Variants in RHBDL3 observed in about 807,000 individuals in gnomAD.
RHBDL3 encodes rhomboid like 3, also known as rhomboid-related protein 3.
A neutral mutation model predicts 48.2 loss-of-function variants in RHBDL3; 28 were observed. The observed-to-expected ratio is 0.58, with a 90% CI of 0.43 to 0.80. The LOEUF (loss-of-function observed/expected upper bound fraction) is 0.80, where lower values mean the gene tolerates loss of function less well. Among genes scored for constraint, RHBDL3 ranks in the 30% least tolerant of loss-of-function variants. RHBDL3 has a pLI of 0.00. For missense variants in RHBDL3, 464 were observed against 542.7 expected, an observed-to-expected ratio of 0.85 and a Z score of 1.44; for synonymous variants, 208 against 232.3, an observed-to-expected ratio of 0.90 and a Z score of 0.95.
intron 2 of RHBDL3, among the ~76,000 whole-genome samples, chr17:32,276,253 CA>C (rs967144609): frequency 6.7e-6 from 1 of 148,276 alleles, no homozygotes; most frequent in African/African-American, 2.5e-5. Context: ...AACAAAAAAA[CA>C]AAAAAAATTG....
intron 7 of RHBDL3, among the ~76,000 whole-genome samples, chr17:32,311,149 G>A (rs911637594): frequency 7.2e-5 from 11 of 152,320 alleles, no homozygotes; most frequent in East Asian, 3.9e-4. Flanking sequence ...CAACTTGTTC[G>A]CTGTGGGTGA....
chr17:32,283,731 G>A (rs1378705426), intron 2 of RHBDL3, among the ~76,000 whole-genome samples: 1 of 152,188 alleles, frequency 6.6e-6, no homozygotes, highest in East Asian at 1.9e-4. Context: ...TTGATTGAGT[G>A]CTGATAATGC....
rs556033267 is a variant in RHBDL3 at position 32,300,563 on chromosome 17, A to G, written c.781+2359A>G. On this transcript the variant is annotated intron_variant, in intron 6 of 8. Transcript: ENST00000269051. ...AGCAAGAACCTGTCTCAAAAAAGAA[A>G]AAAAGAAAAAAACCAAAGGAGACCT... Among the ~76,000 whole-genome samples the G allele has an allele frequency of 1.8e-4, 28 of 152,284 alleles. No individual in the cohort carries two copies. The South Asian group carries it at 5.2e-3, about 28-fold the overall frequency.
chr17:32,323,810 A>G lies in RHBDL3; in HGVS notation c.*2581A>G, dbSNP rs1228099507. 6.6e-6 allele frequency: 1 copy of G among 152,598 alleles called. No homozygotes were observed. Among genetic ancestry groups the G allele is most frequent in the Non-Finnish European group, 1.5e-5 (1 of 68,366 alleles). The allele number at this position is 152,598 out of a possible 1,614,324, so 9.5% of individuals were successfully genotyped here. The stretch of plus-strand genomic sequence containing the variant: ...CCCACCTCCATCCCCTCTCCCAACC[A>G]TGACTTCCAAGCGGGGCCACAGGGT... On this transcript the variant is annotated 3_prime_UTR_variant, in exon 9 of 9. Coordinates refer to ENST00000269051, the MANE Select transcript of RHBDL3 (RefSeq NM_138328.3).
chr17:32,307,469 C>A (rs1210664190), intron 7 of RHBDL3, among the ~76,000 whole-genome samples: 1 of 152,188 alleles, frequency 6.6e-6, no homozygotes, highest in African/African-American at 2.4e-5. Flanking sequence ...AACCCTGTCC[C>A]TTTTGTTCTC....
chr17:32,299,356 C>T (rs191465210), intron 6 of RHBDL3, among the ~76,000 whole-genome samples: 11 of 152,272 alleles, frequency 7.2e-5, no homozygotes, highest in Admixed American at 1.3e-4. Flanking sequence ...CTCCTGTATG[C>T]GCTGAGGTTA....
At position 32,318,646 on chromosome 17, in the gene RHBDL3, A is replaced by G. The variant is rs188527166; in HGVS notation, c.944-2312A>G. On this transcript the variant is annotated intron_variant, in intron 8 of 8. Transcript: ENST00000269051. ...CCAGCTAAGAAGTGATAGAGCCAGA[A>G]TTCAGAGCCAGCCTGTGCCATTTCA... Among the ~76,000 whole-genome samples, 231 of 152,054 alleles carry G rather than the reference A, an allele frequency of 1.5e-3. 1 individual carries two copies. The highest frequency in any genetic ancestry group is 5.4e-3 in the African/African-American group (223 of 41,440).
chr17:32,274,029 C>A (rs750043778), intron 2 of RHBDL3, among the ~76,000 whole-genome samples: 4 of 152,246 alleles, frequency 2.6e-5, no homozygotes, highest in Non-Finnish European at 4.4e-5. Flanking sequence ...AGCCACCGTG[C>A]CTGGCCAGAC....
chr17:32,311,104 G>A (rs1426390291), intron 7 of RHBDL3, among the ~76,000 whole-genome samples: 4 of 152,158 alleles, frequency 2.6e-5, no homozygotes, highest in African/African-American at 7.2e-5. Flanking sequence ...CTCTTAACCC[G>A]TTTGGGTGAG....
chr17:32,292,211 C>A (rs866477163), intron 4 of RHBDL3, among the ~76,000 whole-genome samples: 1 of 152,094 alleles, frequency 6.6e-6, no homozygotes, highest in African/African-American at 2.4e-5. Flanking sequence ...GCTTCAGTCA[C>A]GTTTGCAAAA....
At chr17:32,304,735 A>G (rs1316994112) in intron 6 of RHBDL3, among the ~76,000 whole-genome samples, 1 of 152,220 alleles carries the variant, frequency 6.6e-6, no homozygotes, top group Admixed American at 6.5e-5. Flanking sequence ...TAATCCAGGT[A>G]GAAGTCTGAA....
rs767440369 is a variant in RHBDL3, at chr17:32,302,546, TATA to T, written c.782-2794_782-2792del. 2.5e-3 allele frequency among the ~76,000 whole-genome samples: 261 copies of T among 104,820 alleles called. 1 individual carries two copies. In the East Asian group the frequency reaches 0.027, roughly 11 times the overall value. The allele number at this position is 104,820 out of a possible 152,430, so 68.8% of individuals were successfully genotyped here. A position where few individuals can be genotyped will look rare whatever the true frequency, so the allele number is the denominator to read the frequency against. ...GCTAATTTTTGTATATATATATATA[TATA>T]TATTTTTTTTTAGTAGCAATGGGGT... On this transcript the variant is annotated intron_variant, in intron 6 of 8. Transcript: ENST00000269051.
chr17:32,275,494 G>C lies in RHBDL3; in HGVS notation c.135+7569G>C, dbSNP rs537968649. Among the ~76,000 whole-genome samples, 4 of 152,302 alleles carry C rather than the reference G, an allele frequency of 2.6e-5. No individual in the cohort carries two copies. The South Asian group carries it at 8.3e-4, about 32-fold the overall frequency. On this transcript the variant is annotated intron_variant, in intron 2 of 8. Coordinates refer to ENST00000269051, the MANE Select transcript of RHBDL3 (RefSeq NM_138328.3). ...AGGAATAGGCCCAGTGGAGGAGGCA[G>C]TCCCCCAACCCGTGCTGCCCACCCC...
chr17:32,288,019 T>G (rs937135751), intron 3 of RHBDL3, among the ~76,000 whole-genome samples: 13 of 152,224 alleles, frequency 8.5e-5, no homozygotes, highest in Non-Finnish European at 1.6e-4. Flanking sequence ...GGTGGAGCTC[T>G]GCAGCCAGTC....
In RHBDL3 at chr17:32,322,706, A is replaced by C. The variant is rs559557406; in HGVS notation, c.*1477A>C. The C allele has an allele frequency of 6.6e-6, 1 of 152,382 alleles. No homozygotes were observed. Among genetic ancestry groups the C allele is most frequent in the African/African-American group, 2.4e-5 (1 of 41,550 alleles). The allele number at this position is 152,382 out of a possible 1,614,324, so 9.4% of individuals were successfully genotyped here. ...TGCGGGAGAGAACATGGTGGTTATC[A>C]AATCCACCCCACCCCATTACACAGG... On this transcript the variant is annotated 3_prime_UTR_variant, in exon 9 of 9. Transcript: ENST00000269051.
At chr17:32,284,601 T>G in intron 2 of RHBDL3, 58 bp from the exon 3 acceptor site, 1 of 1,550,592 alleles carries the variant, frequency 6.4e-7, no homozygotes, top group Non-Finnish European at 8.9e-7. Context: ...GGCACCCACA[T>G]CAGTGTGAAG....
chr17:32,267,242 C>T (rs1057044435), intron 1 of RHBDL3, among the ~76,000 whole-genome samples: 1 of 152,244 alleles, frequency 6.6e-6, no homozygotes, highest in South Asian at 2.1e-4. Flanking sequence ...CTATCACTTC[C>T]TTCTGGCCCT....
intron 8 of RHBDL3, among the ~76,000 whole-genome samples, chr17:32,317,957 C>T (rs1050231280): frequency 3.9e-5 from 6 of 151,956 alleles, no homozygotes; most frequent in African/African-American, 1.5e-4. Flanking sequence ...GCCTGTAATC[C>T]CAGCACTTTG....
At position 32,289,004 on chromosome 17, in the gene RHBDL3, C is replaced by T. The variant is rs2150715633; in HGVS notation, c.507C>T (p.Val169=). The part of the protein sequence containing the change: ...CCPPPWFMIT[V]TLLEVAFFLY... ...CCCCACCCTGGTTCATGATCACAGT[C>T]ACGCTGCTGGAGGCAAGGACAAGGG... Residue 169 remains valine (V), a synonymous_variant, in exon 4 of 9, where the codon GTC becomes GTT. Coordinates refer to ENST00000269051, the MANE Select transcript of RHBDL3 (RefSeq NM_138328.3). The T allele has an allele frequency of 1.2e-6, 2 of 1,614,090 alleles. No individual in the cohort carries two copies. The highest frequency in any genetic ancestry group is 2.2e-5 in the South Asian group (2 of 91,074).
Sources: allele counts gnomAD v4.1 joint callset (sites outside exome capture counted in the v4.1 genomes callset), GRCh38; gene constraint gnomAD v4.1.1; transcripts MANE v1.5; gene names NCBI Gene and HGNC (gene_info 2026-07-23, HGNC 2026-07-21).